The following LOC128125817 variants were observed in gnomAD, a reference collection of about 807,000 sequenced individuals.
At chr1:41,591,266 G>C in the LOC128125817 span, among the ~76,000 whole-genome samples, 1 of 152,094 alleles carries the variant, frequency 6.6e-6, no homozygotes, top group African/African-American at 2.4e-5. Context: ...AACCAAGGTT[G>C]AATTCGGAGG....
At chr1:41,604,656 T>G in the LOC128125817 span, among the ~76,000 whole-genome samples, 1 of 152,236 alleles carries the variant, frequency 6.6e-6, no homozygotes, top group Non-Finnish European at 1.5e-5. Context: ...CACCCTGATC[T>G]TAGACTTCCC....
the LOC128125817 span, among the ~76,000 whole-genome samples, chr1:41,612,816 C>G: frequency 6.6e-6 from 1 of 152,218 alleles, no homozygotes; most frequent in Non-Finnish European, 1.5e-5. Flanking sequence ...CAGTGCCAGC[C>G]CCTGTCCCCT....
chr1:41,592,212 C>G, the LOC128125817 span, among the ~76,000 whole-genome samples: 1 of 152,176 alleles, frequency 6.6e-6, no homozygotes, highest in Non-Finnish European at 1.5e-5. Context: ...CTGGAGTCAC[C>G]TTGGCTGCCA....
At chr1:41,588,577 T>G in the LOC128125817 span, among the ~76,000 whole-genome samples, 1 of 151,880 alleles carries the variant, frequency 6.6e-6, no homozygotes, top group African/African-American at 2.4e-5. Flanking sequence ...CATCATCAGA[T>G]GACTACAGGG....
chr1:41,606,473 C>G, the LOC128125817 span, among the ~76,000 whole-genome samples: 1 of 151,922 alleles, frequency 6.6e-6, no homozygotes, highest in African/African-American at 2.4e-5. Flanking sequence ...TAGTTAACAA[C>G]ATCATTATGA....
chr1:41,602,542 G>A, the LOC128125817 span, among the ~76,000 whole-genome samples: 1 of 151,982 alleles, frequency 6.6e-6, no homozygotes, highest in African/African-American at 2.4e-5. Context: ...GTTCATAGTA[G>A]TCTCTTATCC....
the LOC128125817 span, among the ~76,000 whole-genome samples, chr1:41,616,080 T>C: frequency 6.6e-6 from 1 of 152,100 alleles, no homozygotes; most frequent in African/African-American, 2.4e-5. Context: ...GGGGAGCTTC[T>C]GTCACCTCTC....
At chr1:41,619,441 A>G in the LOC128125817 span, among the ~76,000 whole-genome samples, 1 of 152,248 alleles carries the variant, frequency 6.6e-6, no homozygotes, top group Non-Finnish European at 1.5e-5. Flanking sequence ...TATACAGTCT[A>G]TAGAGAGTGT....
chr1:41,625,659 C>T, the LOC128125817 span, among the ~76,000 whole-genome samples: 1 of 152,150 alleles, frequency 6.6e-6, no homozygotes, highest in Non-Finnish European at 1.5e-5. Flanking sequence ...CCCTTGAGCC[C>T]AGGAGTTTGA....
the LOC128125817 span, among the ~76,000 whole-genome samples, chr1:41,595,914 G>A: frequency 6.6e-6 from 1 of 152,126 alleles, no homozygotes. Context: ...ACCTCACCTT[G>A]TGATTGTGTG....
At chr1:41,591,561 C>A in the LOC128125817 span, among the ~76,000 whole-genome samples, 1 of 151,992 alleles carries the variant, frequency 6.6e-6, no homozygotes, top group African/African-American at 2.4e-5. Context: ...AAAATCATCA[C>A]GATCCTGGCA....
chr1:41,607,694 G>T, the LOC128125817 span, among the ~76,000 whole-genome samples: 3 of 152,086 alleles, frequency 2.0e-5, no homozygotes, highest in Non-Finnish European at 4.4e-5. Flanking sequence ...ATGAATGAGG[G>T]ATTATGTTGT....
At chr1:41,623,627 G>C in the LOC128125817 span, among the ~76,000 whole-genome samples, 1 of 152,092 alleles carries the variant, frequency 6.6e-6, no homozygotes, top group South Asian at 2.1e-4. Flanking sequence ...AGGTGGCCTG[G>C]GAGTCAGGAC....
At chr1:41,611,895 T>C in the LOC128125817 span, among the ~76,000 whole-genome samples, 1 of 152,184 alleles carries the variant, frequency 6.6e-6, no homozygotes, top group Non-Finnish European at 1.5e-5. Flanking sequence ...TGAGGTCGGC[T>C]CACCCCAGAG....
At chr1:41,599,396 T>C in the LOC128125817 span, among the ~76,000 whole-genome samples, 1 of 152,162 alleles carries the variant, frequency 6.6e-6, no homozygotes, top group South Asian at 2.1e-4. Context: ...CACATAATCA[T>C]AAAGGAGAGA....
the LOC128125817 span, among the ~76,000 whole-genome samples, chr1:41,612,586 A>T: frequency 2.6e-5 from 4 of 152,236 alleles, no homozygotes; most frequent in Non-Finnish European, 5.9e-5. Flanking sequence ...CTGGATCCAC[A>T]GCTCAGGACT....
the LOC128125817 span, among the ~76,000 whole-genome samples, chr1:41,605,206 A>T: frequency 4.2e-5 from 6 of 144,324 alleles, no homozygotes; most frequent in African/African-American, 1.5e-4. Context: ...GGAAGGGAGG[A>T]AAGGAAGGAA....
At chr1:41,628,644 TAATAAC>T in the LOC128125817 span, 6 of 894,088 alleles carry the variant, frequency 6.7e-6, no homozygotes, top group Non-Finnish European at 8.8e-6. Context: ...ATAACACTAA[TAATAAC>T]AATAATACAT....
chr1:41,587,479 C>T, the LOC128125817 span, among the ~76,000 whole-genome samples: 2 of 152,130 alleles, frequency 1.3e-5, no homozygotes, highest in African/African-American at 2.4e-5. Flanking sequence ...TAACAGTCAT[C>T]GAGGAACAAC....
Sources: gnomAD v4.1 joint callset for allele counts (sites outside exome capture counted in the v4.1 genomes callset) on GRCh38, gnomAD v4.1.1 for gene constraint, MANE v1.5 for transcripts.